DIPK2B: variants seen among roughly 807,000 people sequenced by gnomAD.
DIPK2B encodes the protein UPF0672 protein CXorf36.
In DIPK2B, 15 loss-of-function variants were observed where a neutral mutation model predicts 22.2. The observed-to-expected ratio is 0.68, with a 90% CI of 0.45 to 1.04. The LOEUF (loss-of-function observed/expected upper bound fraction) is 1.04, where lower values mean the gene tolerates loss of function less well. Among genes scored for constraint, DIPK2B ranks in the 50% least tolerant of loss-of-function variants. The probability of loss-of-function intolerance (pLI) is 0.00; values close to 1 mark genes in which losing one functional copy is unlikely to be tolerated. For synonymous variants in DIPK2B, 163 were observed against 153.2 expected, an observed-to-expected ratio of 1.06 and a Z score of -0.47; for missense variants, 345 against 348.3, an observed-to-expected ratio of 0.99 and a Z score of 0.08.
intron 2 of DIPK2B, 179 bp downstream of exon 2, chrX:45,191,572 T>A: frequency 1.9e-6 from 1 of 516,109 alleles, no homozygotes; most frequent in South Asian, 3.4e-5. Context: ...ACCTTATAAG[T>A]AAACCTTGTT....
In DIPK2B at chrX:45,175,168, T is replaced by C. The variant is rs1426997378; in HGVS notation, c.498+16583A>G. The stretch of plus-strand genomic sequence containing the variant: ...ATGTATGTGAAGCATGCCGGGTCCA[T>C]AGAAAGTAGCAGGTATGTGGTAGTT... On this transcript the variant is annotated intron_variant, in intron 2 of 4. Transcript: ENST00000398000. Among the ~76,000 whole-genome samples the C allele has an allele frequency of 1.2e-4, 13 of 111,722 alleles. No individual in the cohort carries two copies. In the Admixed American group the frequency reaches 1.2e-3, roughly 11 times the overall value.
In DIPK2B at chrX:45,151,719, G is replaced by C; in HGVS notation, c.1235C>G (p.Pro412Arg). The C allele has an allele frequency of 8.3e-7, 1 of 1,211,780 alleles. No homozygotes were observed. The highest frequency in any genetic ancestry group is 1.1e-6 in the Non-Finnish European group (1 of 895,442). ...AAATCTGGAGTCACACGTTCTCAGG[G>C]GCCTCAAGATGTCTTTCAGCTGGCT... is the stretch of plus-strand genomic sequence containing the variant. ...AASQLKDILR[P>R]LRTCDSRFAY... The change falls in exon 5 of 5, where the codon CCC (proline) becomes CGC (arginine). Residue 412 changes from proline (P) to arginine (R), a missense_variant. Pro to Arg is a moderately radical substitution (Grantham distance 103). Transcript: ENST00000398000.
Position 45,191,923 on chromosome X carries a change from C to T in DIPK2B, c.326G>A (p.Arg109His), listed in dbSNP as rs769453052. Residue 109 changes from arginine (R) to histidine (H), a missense_variant, in exon 2 of 5, where the codon CGC (arginine) becomes CAC (histidine). Physicochemically the swap from Arg to His is conservative, Grantham distance 29. Transcript: ENST00000398000. ...GACCAGTCTAAAGATCTCCACAGGG[C>T]GCCAGATTTTGGAATCATCTGAGTA... ...ANYSDDSKIWRPVEIFRLVSK... is the reference protein window; with the variant it reads ...ANYSDDSKIWHPVEIFRLVSK... 1.2e-5 allele frequency: 14 copies of T among 1,210,341 alleles called. No individual in the cohort carries two copies. Among genetic ancestry groups the T allele is most frequent in the African/African-American group, 3.5e-5 (2 of 57,210 alleles).
chrX:45,189,069 TA>T (rs986586724), intron 2 of DIPK2B, among the ~76,000 whole-genome samples: 3 of 112,178 alleles, frequency 2.7e-5, no homozygotes, highest in Non-Finnish European at 5.6e-5. Context: ...CAAGTTTTTT[TA>T]AAAAAATAGA....
intron 2 of DIPK2B, among the ~76,000 whole-genome samples, chrX:45,169,136 A>G (rs2047065722): frequency 9.0e-6 from 1 of 111,555 alleles, no homozygotes; most frequent in Non-Finnish European, 1.9e-5. Flanking sequence ...TTAAATCAGG[A>G]CAACAGGCAT....
chrX:45,193,667 G>A (rs1379339300), intron 1 of DIPK2B, among the ~76,000 whole-genome samples: 3 of 112,600 alleles, frequency 2.7e-5, no homozygotes, highest in African/African-American at 9.7e-5. Context: ...CTGCAATGCA[G>A]GACAATGCAA....
intron 2 of DIPK2B, among the ~76,000 whole-genome samples, chrX:45,170,274 C>T (rs1384710662): frequency 9.3e-6 from 1 of 108,090 alleles, no homozygotes; most frequent in Non-Finnish European, 1.9e-5. Context: ...AGGAAGTTGG[C>T]CTTGGGATCC....
In DIPK2B at chrX:45,148,408, G is replaced by A. The variant is rs1471365391; in HGVS notation, c.*3244C>T. ...AGAAAAGAGCTTTATTTTGGTTTATGGTTCTGCAGGTGGTACAGGAAGTGT... is the reference window on the plus strand; with the variant it reads ...AGAAAAGAGCTTTATTTTGGTTTATAGTTCTGCAGGTGGTACAGGAAGTGT... On this transcript the variant is annotated 3_prime_UTR_variant, in exon 5 of 5. Coordinates refer to ENST00000398000, the MANE Select transcript of DIPK2B (RefSeq NM_176819.4). 1 of 111,030 alleles carries A rather than the reference G, an allele frequency of 9.0e-6. No individual in the cohort carries two copies. Among genetic ancestry groups the A allele is most frequent in the Non-Finnish European group, 1.9e-5 (1 of 53,031 alleles). 9.2% of individuals were successfully genotyped at this position (111,030 alleles called of 1,213,427 possible). A position where few individuals can be genotyped will look rare whatever the true frequency, so the allele number is the denominator to read the frequency against.
intron 1 of DIPK2B, among the ~76,000 whole-genome samples, chrX:45,195,714 T>G (rs139587945): frequency 1.1e-4 from 12 of 112,456 alleles, no homozygotes; most frequent in Admixed American, 1.9e-4. Context: ...CTGCATTGCC[T>G]GCTGCATTGC....
At chrX:45,165,808 C>T (rs1296280952) in intron 2 of DIPK2B, among the ~76,000 whole-genome samples, 2 of 112,137 alleles carry the variant, frequency 1.8e-5, no homozygotes, top group Non-Finnish European at 3.8e-5. Flanking sequence ...GGCACAAACT[C>T]GGTTTACAAG....
At chrX:45,164,036 G>A in intron 2 of DIPK2B, 1 of 1,003,982 alleles carries the variant, frequency 1.0e-6, no homozygotes, top group Non-Finnish European at 1.3e-6. Context: ...GTGTGTTGGT[G>A]AATTCTGGAG....
chrX:45,194,000 C>A (rs906194825), intron 1 of DIPK2B, among the ~76,000 whole-genome samples: 1 of 110,555 alleles, frequency 9.0e-6, no homozygotes, highest in African/African-American at 3.3e-5. Context: ...AAGAGTAACA[C>A]GCATTTGTGA....
chrX:45,156,191 C>T (rs1302812456), intron 3 of DIPK2B, among the ~76,000 whole-genome samples: 1 of 109,278 alleles, frequency 9.2e-6, no homozygotes, highest in Non-Finnish European at 1.9e-5. Context: ...AGGCTGGTCT[C>T]GAACTCCTGA....
chrX:45,159,689 G>A (rs773318774), intron 2 of DIPK2B, among the ~76,000 whole-genome samples: 9 of 111,532 alleles, frequency 8.1e-5, no homozygotes, highest in African/African-American at 2.9e-4. Context: ...CACAGGAAGG[G>A]CTATGACTGC....
In DIPK2B at chrX:45,191,045, C is replaced by A. The variant is rs148245455; in HGVS notation, c.498+706G>T. On this transcript the variant is annotated intron_variant, in intron 2 of 4. Transcript: ENST00000398000. ...GTCCTCTGAGGTGGCATCTTCTGCGCAAAGGGGCTCAGCTAGATATGTGTG... is the reference window on the plus strand; with the variant it reads ...GTCCTCTGAGGTGGCATCTTCTGCGAAAAGGGGCTCAGCTAGATATGTGTG... 2.5e-3 allele frequency among the ~76,000 whole-genome samples: 283 copies of A among 112,527 alleles called. 1 individual carries two copies. Among genetic ancestry groups the A allele is most frequent in the African/African-American group, 8.5e-3 (264 of 30,963 alleles).
intron 1 of DIPK2B, among the ~76,000 whole-genome samples, chrX:45,194,909 T>C (rs1420385189): frequency 9.0e-6 from 1 of 111,649 alleles, no homozygotes; most frequent in East Asian, 2.8e-4. Flanking sequence ...AAGTTCATTG[T>C]CCTTTTTTTC....
intron 2 of DIPK2B, chrX:45,162,882 G>A (rs1206964046): frequency 2.7e-6 from 2 of 752,180 alleles, no homozygotes; most frequent in African/African-American, 2.3e-5. Context: ...CTTGATAGGG[G>A]CCTTTGGTTC....
At chrX:45,187,110 G>A (rs747872152) in intron 2 of DIPK2B, among the ~76,000 whole-genome samples, 8 of 112,040 alleles carry the variant, frequency 7.1e-5, no homozygotes, top group Non-Finnish European at 1.3e-4. Flanking sequence ...AGGCTCTGCG[G>A]CCATCTAGTG....
At chrX:45,155,431 A>AAT (rs1556395211) in intron 3 of DIPK2B, among the ~76,000 whole-genome samples, 10,758 of 96,270 alleles carry the variant, frequency 0.11, 565 homozygotes, top group East Asian at 0.26. Flanking sequence ...TCAAAAAAAA[A>AAT]ATATATATAT....
Sources: allele counts gnomAD v4.1 joint callset (sites outside exome capture counted in the v4.1 genomes callset), GRCh38; gene constraint gnomAD v4.1.1; transcripts MANE v1.5; gene names NCBI Gene and HGNC (gene_info 2026-07-23, HGNC 2026-07-21).